The following BIRC6 variants were observed in gnomAD, a reference collection of about 807,000 sequenced individuals.
BIRC6 encodes dual E2 ubiquitin-conjugating enzyme/E3 ubiquitin-protein ligase BIRC6.
Under a neutral mutation model 503.3 loss-of-function variants are expected in BIRC6, and 98 were observed. The ratio of observed to expected loss-of-function variants is 0.19; its 90% CI spans 0.17 to 0.23. The LOEUF (loss-of-function observed/expected upper bound fraction) is 0.23. BIRC6 is among the 10% of genes least tolerant of loss of function. The pLI is 1.00. For synonymous variants in BIRC6, 2,240 were observed against 2,078.7 expected, an observed-to-expected ratio of 1.08 and a Z score of -2.11; for missense variants, 5,360 against 5,806.0, an observed-to-expected ratio of 0.92 and a Z score of 2.50.
intron 51 of BIRC6, 90 bp from the exon 52 acceptor site, chr2:32,509,648 C>G (rs946114847): frequency 6.2e-6 from 9 of 1,446,140 alleles, no homozygotes; most frequent in Non-Finnish European, 8.5e-6. Context: ...GTTTATGAAA[C>G]ACAACATGCT....
chr2:32,595,486 G>A (rs2061621992), intron 68 of BIRC6, among the ~76,000 whole-genome samples: 1 of 152,152 alleles, frequency 6.6e-6, no homozygotes. Context: ...AACTAAGTCT[G>A]TTACTCTTGC....
At chr2:32,549,523 G>C in intron 65 of BIRC6, 42 bp downstream of exon 65, 1 of 1,315,000 alleles carries the variant, frequency 7.6e-7, no homozygotes, top group Non-Finnish European at 9.9e-7. Context: ...GAATAATTTT[G>C]TTTGCTTATT....
At chr2:32,441,833 A>T (rs1444181307) in intron 17 of BIRC6, among the ~76,000 whole-genome samples, 1 of 152,222 alleles carries the variant, frequency 6.6e-6, no homozygotes, top group East Asian at 1.9e-4. Flanking sequence ...GGAGAAAAAA[A>T]ACAAAACAAA....
intron 59 of BIRC6, chr2:32,528,895 C>T (rs1002760067): frequency 2.6e-5 from 4 of 152,048 alleles, no homozygotes; most frequent in African/African-American, 9.7e-5. Context: ...TGTGTTTCCA[C>T]TTGGATCCCC....
At chr2:32,410,920 T>G (rs2041801466) in intron 9 of BIRC6, among the ~76,000 whole-genome samples, 1 of 152,148 alleles carries the variant, frequency 6.6e-6, no homozygotes, top group Non-Finnish European at 1.5e-5. Context: ...CAGGATGGTC[T>G]TGATCTCCTG....
chr2:32,421,126 T>C (rs2042909401), intron 10 of BIRC6, among the ~76,000 whole-genome samples: 1 of 150,700 alleles, frequency 6.6e-6, no homozygotes. Flanking sequence ...TTTTTTTTTT[T>C]TGACACAGAG....
At chr2:32,535,150 CAA>C (rs1158856665) in intron 61 of BIRC6, among the ~76,000 whole-genome samples, 1 of 7,274 alleles carries the variant, frequency 1.4e-4, no homozygotes, top group African/African-American at 4.3e-4. Flanking sequence ...CCCAAAAAAG[CAA>C]AAAAAAAAAA....
intron 70 of BIRC6, chr2:32,602,727 C>G (rs1018996884): frequency 2.9e-6 from 1 of 343,536 alleles, no homozygotes; most frequent in African/African-American, 2.1e-5. Flanking sequence ...AAATGTTTTG[C>G]TTTTTAAATA....
At chr2:32,380,358 T>A in intron 3 of BIRC6, 68 bp downstream of exon 3, 1 of 1,449,054 alleles carries the variant, frequency 6.9e-7, no homozygotes, top group Non-Finnish European at 9.1e-7. Flanking sequence ...TTTTGCACTT[T>A]CCTTTCCTCT....
chr2:32,405,250 G>A (rs1297564127), intron 8 of BIRC6, among the ~76,000 whole-genome samples: 2 of 151,970 alleles, frequency 1.3e-5, no homozygotes, highest in African/African-American at 4.8e-5. Flanking sequence ...CACTTACTCT[G>A]TTTCTCTGAA....
chr2:32,466,399 G>C (rs1283804790), intron 26 of BIRC6, among the ~76,000 whole-genome samples: 2 of 152,174 alleles, frequency 1.3e-5, no homozygotes, highest in African/African-American at 4.8e-5. Flanking sequence ...AAGAGACTGG[G>C]ATATGTCTAT....
rs763703460 is a variant in BIRC6, at chr2:32,482,421, C to A, written c.7543-8C>A. 5.6e-6 allele frequency: 9 copies of A among 1,603,674 alleles called. No homozygotes were observed. Among genetic ancestry groups the A allele is most frequent in the South Asian group, 2.2e-5 (2 of 89,336 alleles). On this transcript the variant is annotated splice_polypyrimidine_tract_variant and splice_region_variant and intron_variant, in intron 38 of 73. Transcript: ENST00000421745. ...AATAAACCACAGTTTTTTTTCCATTCTTTTAAGCCAATAAGCAGTACATGG... is the reference window on the plus strand; with the variant it reads ...AATAAACCACAGTTTTTTTTCCATTATTTTAAGCCAATAAGCAGTACATGG...
intron 26 of BIRC6, 54 bp downstream of exon 26, chr2:32,465,218 G>A (rs1389486792): frequency 4.4e-5 from 36 of 817,986 alleles, no homozygotes; most frequent in Non-Finnish European, 5.8e-5. Context: ...TAGTCTGCCG[G>A]CCTTTTAAAG....
intron 1 of BIRC6, among the ~76,000 whole-genome samples, chr2:32,363,293 G>A (rs778401287): frequency 6.6e-6 from 1 of 152,144 alleles, no homozygotes; most frequent in African/African-American, 2.4e-5. Flanking sequence ...GATTGTGCCA[G>A]CCTGGGCAAC....
At chr2:32,390,762 G>T (rs568264355) in intron 4 of BIRC6, among the ~76,000 whole-genome samples, 1 of 152,204 alleles carries the variant, frequency 6.6e-6, no homozygotes, top group East Asian at 1.9e-4. Flanking sequence ...TTTTTAGTAT[G>T]GCTCTTCTAG....
At chr2:32,366,031 C>T (rs371230480) in intron 1 of BIRC6, among the ~76,000 whole-genome samples, 5 of 152,080 alleles carry the variant, frequency 3.3e-5, no homozygotes, top group African/African-American at 7.2e-5. Context: ...ATTACAGGCA[C>T]GTGCCACCAT....
At chr2:32,433,597 GA>G in intron 12 of BIRC6, 46 bp from the exon 13 acceptor site, 1 of 1,462,412 alleles carries the variant, frequency 6.8e-7, no homozygotes, top group South Asian at 1.5e-5. Context: ...GGTTGTGGCT[GA>G]AGAAAGATTT....
intron 39 of BIRC6, among the ~76,000 whole-genome samples, chr2:32,484,187 G>C (rs1269113080): frequency 2.0e-5 from 3 of 152,100 alleles, no homozygotes; most frequent in Non-Finnish European, 4.4e-5. Context: ...GCTGTAAAAA[G>C]TTTTTTGGGG....
intron 6 of BIRC6, among the ~76,000 whole-genome samples, chr2:32,397,478 A>AC (rs917297264): frequency 6.6e-6 from 1 of 151,660 alleles, no homozygotes; most frequent in African/African-American, 2.4e-5. Context: ...ATCTCAAAAA[A>AC]AAAGAGTGAA....
Sources: gnomAD v4.1 joint callset for allele counts (sites outside exome capture counted in the v4.1 genomes callset) on GRCh38, gnomAD v4.1.1 for gene constraint, MANE v1.5 for transcripts, NCBI Gene and HGNC (gene_info 2026-07-23, HGNC 2026-07-21) for gene names.